Variants in FRAS1 observed in about 807,000 individuals in gnomAD.
FRAS1 encodes Fraser extracellular matrix complex subunit 1, also known as extracellular matrix organizing protein FRAS1.
A neutral mutation model predicts 435.2 loss-of-function variants in FRAS1; 290 were observed. That is an observed-to-expected ratio of 0.67 (90% confidence interval 0.61 to 0.73). The LOEUF (loss-of-function observed/expected upper bound fraction) is 0.73. Among genes scored for constraint, FRAS1 ranks in the 30% least tolerant of loss-of-function variants. The probability of loss-of-function intolerance (pLI) is 0.00; values close to 1 mark genes in which losing one functional copy is unlikely to be tolerated. For missense variants in FRAS1, 4,860 were observed against 5,001.5 expected (o/e 0.97, Z 0.85); for synonymous variants, 1,800 against 1,851.0 (o/e 0.97, Z 0.71).
At chr4:78,523,019 T>C (rs1478207183) in intron 69 of FRAS1, among the ~76,000 whole-genome samples, 1 of 152,102 alleles carries the variant, frequency 6.6e-6, no homozygotes, top group Non-Finnish European at 1.5e-5. Flanking sequence ...AAGCTGCAGT[T>C]AGCCATGATG....
chr4:78,114,125 G>A (rs916205688), intron 2 of FRAS1, among the ~76,000 whole-genome samples: 3 of 152,174 alleles, frequency 2.0e-5, no homozygotes, highest in African/African-American at 7.2e-5. Flanking sequence ...GTTTGTCAAA[G>A]ATCAGATAGT....
chr4:78,519,209 A>C, intron 66 of FRAS1, 122 bp from the exon 67 acceptor site: 2 of 775,752 alleles, frequency 2.6e-6, no homozygotes, highest in Non-Finnish European at 3.8e-6. Flanking sequence ...GCACTTGCTT[A>C]ATAATTATTG....
intron 18 of FRAS1, among the ~76,000 whole-genome samples, chr4:78,323,935 CTTG>C (rs1217440853): frequency 6.6e-6 from 1 of 152,204 alleles, no homozygotes; most frequent in African/African-American, 2.4e-5. Context: ...TCCTGGGAAT[CTTG>C]TTAAAGATTC....
Position 78,400,721 on chromosome 4 carries a change from ATTTTTATT to A in FRAS1, c.3976-11_3976-4del. 1 of 1,608,230 alleles carries A rather than the reference ATTTTTATT, an allele frequency of 6.2e-7. No individual in the cohort carries two copies. Among genetic ancestry groups the A allele is most frequent in the Non-Finnish European group, 8.5e-7 (1 of 1,178,274 alleles). On this transcript the variant is annotated splice_region_variant and splice_polypyrimidine_tract_variant and intron_variant, in intron 29 of 73. Coordinates refer to ENST00000512123, the MANE Select transcript of FRAS1 (RefSeq NM_025074.7). ...TTGCTTGGAACTAATTCTGCATTTTATTTTTATTTCAGAATGACAGGGGTCTTCAGCTT... is the reference window on the plus strand; with the variant it reads ...TTGCTTGGAACTAATTCTGCATTTTATCAGAATGACAGGGGTCTTCAGCTT...
chr4:78,356,496 G>GT (rs1258204209), intron 20 of FRAS1, among the ~76,000 whole-genome samples: 1 of 152,162 alleles, frequency 6.6e-6, no homozygotes, highest in African/African-American at 2.4e-5. Flanking sequence ...CCACAAGTGT[G>GT]TTTTTCTTCC....
chr4:78,452,200 C>G lies in FRAS1; in HGVS notation c.6609C>G (p.Thr2203=). Residue 2203 remains threonine (T), a synonymous_variant, in exon 47 of 74, where the codon ACC becomes ACG. Coordinates refer to ENST00000512123, the MANE Select transcript of FRAS1 (RefSeq NM_025074.7). ...AAGACAAATCCCCACCAGTCATCAC[C>G]ACCAATAAAGGACTGGTCTTGGATG... is the stretch of plus-strand genomic sequence containing the variant. The part of the protein sequence containing the change: ...ILEDKSPPVI[T]TNKGLVLDEN... 1.9e-6 allele frequency: 3 copies of G among 1,613,684 alleles called. No individual in the cohort carries two copies. The highest frequency in any genetic ancestry group is 2.7e-5 in the African/African-American group (2 of 75,002).
chr4:78,521,753 A>C, intron 68 of FRAS1, 123 bp downstream of exon 68: 1 of 603,366 alleles, frequency 1.7e-6, no homozygotes, highest in Non-Finnish European at 2.9e-6. Context: ...CTATACATCC[A>C]TGTGCACATA....
intron 15 of FRAS1, among the ~76,000 whole-genome samples, chr4:78,315,335 G>A (rs1370706195): frequency 6.6e-6 from 1 of 152,192 alleles, no homozygotes; most frequent in Non-Finnish European, 1.5e-5. Flanking sequence ...CTCATATTAA[G>A]TTGGTTACAC....
chr4:78,170,789 A>G lies in FRAS1; in HGVS notation c.109-66721A>G, dbSNP rs909081864. ...TCTGATACCATCCTCATTATTCTTT[A>G]TATGCCATCTGAGTAGCTCTAGCTT... On this transcript the variant is annotated intron_variant, in intron 2 of 73. Transcript: ENST00000512123. Among the ~76,000 whole-genome samples, 27 of 152,060 alleles carry G rather than the reference A, an allele frequency of 1.8e-4. 1 individual carries two copies. Among genetic ancestry groups the G allele is most frequent in the Admixed American group, 1.3e-4 (2 of 15,280 alleles).
At chr4:78,318,286 G>C (rs1174895832) in intron 17 of FRAS1, among the ~76,000 whole-genome samples, 1 of 152,176 alleles carries the variant, frequency 6.6e-6, no homozygotes, top group Admixed American at 6.5e-5. Context: ...CCAGTAGCCA[G>C]GGTAAGCAAA....
intron 50 of FRAS1, among the ~76,000 whole-genome samples, chr4:78,469,123 T>G (rs1422371593): frequency 2.6e-5 from 4 of 152,232 alleles, no homozygotes; most frequent in Non-Finnish European, 5.9e-5. Context: ...GAAAAAAGAT[T>G]TCAGGATATA....
At chr4:78,176,793 G>T (rs1169722707) in intron 2 of FRAS1, among the ~76,000 whole-genome samples, 1 of 152,178 alleles carries the variant, frequency 6.6e-6, no homozygotes, top group Non-Finnish European at 1.5e-5. Context: ...CAAGTTGTTG[G>T]TAAAAATGTT....
chr4:78,203,605 T>C (rs759129589), intron 2 of FRAS1, among the ~76,000 whole-genome samples: 12 of 152,178 alleles, frequency 7.9e-5, no homozygotes, highest in Non-Finnish European at 1.6e-4. Context: ...TCGTTCTTTT[T>C]ACCCAAGCTG....
intron 5 of FRAS1, among the ~76,000 whole-genome samples, chr4:78,254,790 C>G (rs1318914315): frequency 6.6e-6 from 1 of 152,140 alleles, no homozygotes; most frequent in South Asian, 2.1e-4. Flanking sequence ...TTTCTCTCAA[C>G]CTGTCATATT....
At chr4:78,470,271 G>C (rs1332257046) in intron 51 of FRAS1, among the ~76,000 whole-genome samples, 180 bp downstream of exon 51, 1 of 151,958 alleles carries the variant, frequency 6.6e-6, no homozygotes, top group African/African-American at 2.4e-5. Context: ...GTGTAGGATC[G>C]GTTACGATTG....
chr4:78,252,315 AT>A, intron 4 of FRAS1, 76 bp from the exon 5 acceptor site: 1 of 1,384,802 alleles, frequency 7.2e-7, no homozygotes, highest in Non-Finnish European at 1.0e-6. Flanking sequence ...ATAAGAGAAG[AT>A]TTGTTTCTAT....
intron 58 of FRAS1, among the ~76,000 whole-genome samples, chr4:78,483,196 T>C (rs897220720): frequency 6.6e-6 from 1 of 152,226 alleles, no homozygotes; most frequent in African/African-American, 2.4e-5. Flanking sequence ...TAGCAGTGGA[T>C]GCTTATAAGC....
intron 6 of FRAS1, 143 bp from the exon 7 acceptor site, chr4:78,264,882 G>C (rs957228176): frequency 2.9e-6 from 2 of 700,236 alleles, no homozygotes; most frequent in Non-Finnish European, 5.2e-6. Flanking sequence ...AGTCCCAGGT[G>C]ACTAAGAAAT....
chr4:78,421,911 C>T lies in FRAS1; in HGVS notation c.4589C>T (p.Thr1530Met), dbSNP rs757251336. 57 of 1,613,758 alleles carry T rather than the reference C, an allele frequency of 3.5e-5. No individual in the cohort carries two copies. The East Asian group carries it at 6.2e-4, about 18-fold the overall frequency. ...DHPHSPIRYF[T>M]QEDINQGKVM... Reference sequence around the variant, plus strand: ...CCTCACTCTCCTATCCGGTATTTCACGCAAGAGGATATTAACCAGGGCAAA... The same window carrying T: ...CCTCACTCTCCTATCCGGTATTTCATGCAAGAGGATATTAACCAGGGCAAA... The change falls in exon 34 of 74, where the codon ACG becomes ATG. Residue 1530 changes from threonine to methionine, a missense_variant. Transcript: ENST00000512123.
Sources: allele counts gnomAD v4.1 joint callset (sites outside exome capture counted in the v4.1 genomes callset), GRCh38; gene constraint gnomAD v4.1.1; transcripts MANE v1.5; gene names NCBI Gene and HGNC (gene_info 2026-07-23, HGNC 2026-07-21).